Variants in SORCS3 observed in about 807,000 individuals in gnomAD.
The protein encoded by SORCS3 is VPS10 domain-containing receptor SorCS3.
In SORCS3, 57 loss-of-function variants were observed where a neutral mutation model predicts 146.3. The observed-to-expected ratio is 0.39, with a 90% CI of 0.31 to 0.49. SORCS3 has a LOEUF of 0.49. SORCS3 is among the 20% of genes least tolerant of loss of function. SORCS3 has a pLI of 0.92. For synonymous variants in SORCS3, 653 were observed against 618.5 expected (o/e 1.06, Z -0.83); for missense variants, 1,341 against 1,575.5 (o/e 0.85, Z 2.52).
intron 1 of SORCS3, among the ~76,000 whole-genome samples, chr10:104,759,798 C>T (rs531173843): frequency 3.3e-5 from 5 of 152,228 alleles, no homozygotes; most frequent in East Asian, 3.9e-4. Context: ...GGATCTGTCA[C>T]GGCCTGGTGA....
intron 1 of SORCS3, among the ~76,000 whole-genome samples, chr10:104,758,156 G>A (rs1160056799): frequency 3.3e-5 from 5 of 152,116 alleles, no homozygotes; most frequent in Admixed American, 3.3e-4. Context: ...TCTGTGTTTC[G>A]AGGCAAGGAA....
chr10:104,930,872 T>C (rs2019199520), intron 3 of SORCS3, among the ~76,000 whole-genome samples: 1 of 152,230 alleles, frequency 6.6e-6, no homozygotes, highest in Non-Finnish European at 1.5e-5. Flanking sequence ...CCTTAGCTGA[T>C]AGAAGGATTA....
rs369335257 is a variant in SORCS3, at chr10:105,074,200, C to G, written c.1029-15575C>G. Among the ~76,000 whole-genome samples, 7 of 152,162 alleles carry G rather than the reference C, an allele frequency of 4.6e-5. 1 individual carries two copies. Among genetic ancestry groups the G allele is most frequent in the African/African-American group, 7.2e-5 (3 of 41,450 alleles). On this transcript the variant is annotated intron_variant, in intron 5 of 26. Transcript: ENST00000369701. ...TTTGTCTTGTCCAGACAAGCCTGCA[C>G]GGTGCATCACCAGATGTGCTGTGGA...
In SORCS3 at chr10:105,170,550, A is replaced by G. The variant is rs1466560148; in HGVS notation, c.1901+3201A>G. ...TTTCAAACTAAGCTTTTGAAATGGC[A>G]TTATCCCATTTATAGGATGTTGATA... On this transcript the variant is annotated intron_variant, in intron 13 of 26. Transcript: ENST00000369701. 2.6e-5 allele frequency among the ~76,000 whole-genome samples: 4 copies of G among 152,324 alleles called. No individual in the cohort carries two copies. In the Middle Eastern group the frequency reaches 0.01, roughly 389 times the overall value.
intron 13 of SORCS3, among the ~76,000 whole-genome samples, chr10:105,173,215 G>A (rs2056373838): frequency 6.6e-6 from 1 of 152,076 alleles, no homozygotes; most frequent in Admixed American, 6.5e-5. Context: ...AGGAGGCTGA[G>A]GCAGGATAAT....
intron 2 of SORCS3, among the ~76,000 whole-genome samples, chr10:104,847,103 A>G (rs1564697166): frequency 6.6e-6 from 1 of 152,260 alleles, no homozygotes; most frequent in Non-Finnish European, 1.5e-5. Flanking sequence ...TGAGAACTGC[A>G]TATGGTGCAT....
chr10:105,081,227 A>G (rs974878080), intron 5 of SORCS3, among the ~76,000 whole-genome samples: 11 of 152,314 alleles, frequency 7.2e-5, no homozygotes, highest in Admixed American at 6.5e-4. Context: ...TCCCTCATGC[A>G]TACCCCAATA....
intron 5 of SORCS3, among the ~76,000 whole-genome samples, chr10:105,057,528 G>T (rs2055453610): frequency 6.6e-6 from 1 of 152,124 alleles, no homozygotes; most frequent in South Asian, 2.1e-4. Context: ...ATGCCACCTG[G>T]TGACCCATTG....
chr10:105,242,580 A>ATATATTTATATACATTTATATATATT (rs1564793634), intron 20 of SORCS3, among the ~76,000 whole-genome samples: 9 of 11,732 alleles, frequency 7.7e-4, no homozygotes, highest in East Asian at 0.015. Flanking sequence ...TTATATATTT[A>ATATATTTATATACATTTATATATATT]TATATATTTA....
At chr10:104,734,787 C>T (rs1456654020) in intron 1 of SORCS3, among the ~76,000 whole-genome samples, 8 of 152,142 alleles carry the variant, frequency 5.3e-5, no homozygotes, top group Admixed American at 6.5e-5. Flanking sequence ...GCTAGCCAGA[C>T]CTGGGTTTGA....
At chr10:104,778,341 T>C (rs1270589433) in intron 1 of SORCS3, among the ~76,000 whole-genome samples, 1 of 152,190 alleles carries the variant, frequency 6.6e-6, no homozygotes, top group Non-Finnish European at 1.5e-5. Flanking sequence ...GCTTCTGACA[T>C]TGGGCCTATT....
At chr10:104,671,433 C>G (rs1215459717) in intron 1 of SORCS3, among the ~76,000 whole-genome samples, 1 of 140,018 alleles carries the variant, frequency 7.1e-6, no homozygotes, top group Non-Finnish European at 1.5e-5. Context: ...CTTCCAGGTT[C>G]AAGCAATCCT....
chr10:104,782,849 G>A (rs1435673784), intron 1 of SORCS3, among the ~76,000 whole-genome samples: 2 of 152,188 alleles, frequency 1.3e-5, no homozygotes, highest in Non-Finnish European at 2.9e-5. Flanking sequence ...AGATTCCTCA[G>A]GTGTTGCAAA....
In SORCS3 at chr10:105,260,230, T is replaced by C. The variant is rs530204027; in HGVS notation, c.3444-2101T>C. ...GAGAAAAGCAGGAAAGGGGAGGCAGTTGACTCTGGTTACAACTGTGAAGTA... is the reference window on the plus strand; with the variant it reads ...GAGAAAAGCAGGAAAGGGGAGGCAGCTGACTCTGGTTACAACTGTGAAGTA... On this transcript the variant is annotated intron_variant, in intron 25 of 26. Coordinates refer to ENST00000369701, the MANE Select transcript of SORCS3 (RefSeq NM_014978.3). 1.4e-4 allele frequency among the ~76,000 whole-genome samples: 21 copies of C among 152,290 alleles called. No homozygotes were observed. In the South Asian group the frequency reaches 1.5e-3, roughly 11 times the overall value.
chr10:104,767,731 C>A (rs548162512), intron 1 of SORCS3, among the ~76,000 whole-genome samples: 1 of 141,800 alleles, frequency 7.1e-6, no homozygotes, highest in Non-Finnish European at 1.5e-5. Flanking sequence ...CTCCCCTCCC[C>A]TTTCCTCTCC....
chr10:104,881,738 C>T (rs2018632092), intron 2 of SORCS3, among the ~76,000 whole-genome samples: 1 of 152,070 alleles, frequency 6.6e-6, no homozygotes, highest in Non-Finnish European at 1.5e-5. Context: ...TAACTTGCGT[C>T]AAAAACCAAG....
intron 2 of SORCS3, among the ~76,000 whole-genome samples, chr10:104,854,907 A>T (rs986608768): frequency 6.6e-6 from 1 of 152,134 alleles, no homozygotes; most frequent in Non-Finnish European, 1.5e-5. Context: ...CCTTTTATTG[A>T]CAAGTAGTAG....
intron 5 of SORCS3, among the ~76,000 whole-genome samples, chr10:105,060,732 G>A (rs1021188734): frequency 1.3e-5 from 2 of 152,130 alleles, no homozygotes; most frequent in African/African-American, 4.8e-5. Flanking sequence ...TAGGTCAGGA[G>A]TTCAAGACCA....
In SORCS3 at chr10:104,928,889, CA is replaced by C. The variant is rs1340603527; in HGVS notation, c.795+12958del. Among the ~76,000 whole-genome samples, 5 of 152,218 alleles carry C rather than the reference CA, an allele frequency of 3.3e-5. 1 individual carries two copies. The highest frequency in any genetic ancestry group is 7.3e-5 in the Non-Finnish European group (5 of 68,036). On this transcript the variant is annotated intron_variant, in intron 3 of 26. Coordinates refer to ENST00000369701, the MANE Select transcript of SORCS3 (RefSeq NM_014978.3). ...GCAGACAGTCAGCCCTGTCATCCCA[CA>C]GCATGAATCTAACTCTGAGAAATGG...
Sources: gnomAD v4.1 joint callset for allele counts (sites outside exome capture counted in the v4.1 genomes callset) on GRCh38, gnomAD v4.1.1 for gene constraint, MANE v1.5 for transcripts, NCBI Gene and HGNC (gene_info 2026-07-23, HGNC 2026-07-21) for gene names.